ABCB5: variants seen among roughly 807,000 people sequenced by gnomAD.
ABCB5 encodes ATP binding cassette subfamily B member 5, also known as ATP-binding cassette sub-family B member 5.
ABCB5 carries 155 observed loss-of-function variants against 144.2 expected under a neutral mutation model. That is an observed-to-expected ratio of 1.08 (90% CI 0.94 to 1.23). ABCB5 has a LOEUF of 1.23. Ranked by LOEUF, ABCB5 falls within the 50% of genes most tolerant of loss-of-function variation. The pLI, the probability that ABCB5 is intolerant of heterozygous loss-of-function variation, is 0.00. For synonymous variants in ABCB5, 610 were observed against 528.6 expected (o/e 1.15, Z -2.11); for missense variants, 1,830 against 1,520.8 (o/e 1.20, Z -3.38).
chr7:20,655,112 C>T (rs6958596), intron 13 of ABCB5, among the ~76,000 whole-genome samples: 26,675 of 150,414 alleles, frequency 0.18, 2,424 homozygotes, highest in South Asian at 0.21. Context: ...AAGAGATGGC[C>T]AGTATCAGGA....
At position 20,650,101 on chromosome 7, in the gene ABCB5, C is replaced by CG. The variant is rs1467345590; in HGVS notation, c.1288dup (p.Val430GlyfsTer10). 2 of 1,613,422 alleles carry CG rather than the reference C, an allele frequency of 1.2e-6. No individual in the cohort carries two copies. The highest frequency in any genetic ancestry group is 3.3e-5 in the Admixed American group (2 of 59,942). On this transcript the variant is annotated frameshift_variant, in exon 12 of 28. Coordinates refer to ENST00000404938, the MANE Select transcript of ABCB5 (RefSeq NM_001163941.2). LOFTEE classifies it high-confidence loss of function. Reference sequence around the variant, plus strand: ...GGTCTCAATGGCAGTGGGAAGAGTACGGTAGTCCAGCTTCTGCAGAGGTTA... The same window carrying CG: ...GGTCTCAATGGCAGTGGGAAGAGTACGGGTAGTCCAGCTTCTGCAGAGGTTA...
At chr7:20,622,381 T>G (rs1783820409) in intron 1 of ABCB5, among the ~76,000 whole-genome samples, 1 of 152,152 alleles carries the variant, frequency 6.6e-6, no homozygotes, top group African/African-American at 2.4e-5. Flanking sequence ...AAAGGAAGAA[T>G]AAGCCAACAG....
intron 16 of ABCB5, among the ~76,000 whole-genome samples, chr7:20,687,511 C>A (rs1159599232): frequency 1.3e-5 from 2 of 152,148 alleles, no homozygotes; most frequent in East Asian, 1.9e-4. Context: ...TAGTCACAGA[C>A]CTGCTCTGAA....
chr7:20,631,502 T>A (rs1784037476), intron 4 of ABCB5, among the ~76,000 whole-genome samples: 1 of 152,162 alleles, frequency 6.6e-6, no homozygotes, highest in Non-Finnish European at 1.5e-5. Flanking sequence ...AAATCAGGAC[T>A]TTGGTATATT....
At chr7:20,736,232 T>G (rs1424688764) in intron 23 of ABCB5, among the ~76,000 whole-genome samples, 3 of 152,188 alleles carry the variant, frequency 2.0e-5, no homozygotes, top group Non-Finnish European at 4.4e-5. Flanking sequence ...GTTGCTGTTT[T>G]TCTTGAGACG....
intron 20 of ABCB5, among the ~76,000 whole-genome samples, chr7:20,708,741 T>C (rs911948374): frequency 1.3e-5 from 2 of 152,166 alleles, no homozygotes; most frequent in African/African-American, 2.4e-5. Context: ...TGACAAATAA[T>C]AATAATAAAT....
intron 1 of ABCB5, among the ~76,000 whole-genome samples, chr7:20,616,608 G>T (rs1394016098): frequency 6.6e-6 from 1 of 152,184 alleles, no homozygotes; most frequent in African/African-American, 2.4e-5. Context: ...CCACACAGCT[G>T]TCAATAAGTA....
rs1317783218 is a variant in ABCB5, at chr7:20,615,825, C to G, written c.-34C>G. Reference sequence around the variant, plus strand: ...GGATGGGGCCCACTCAAAACAGCATCTAAGGAATTAAAGTAAGTCAAAGCA... The same window carrying G: ...GGATGGGGCCCACTCAAAACAGCATGTAAGGAATTAAAGTAAGTCAAAGCA... On this transcript the variant is annotated 5_prime_UTR_variant, in exon 1 of 28. It adds an upstream start codon to the 5' untranslated region. Transcript: ENST00000404938. The G allele has an allele frequency of 6.6e-6, 1 of 152,294 alleles. No individual in the cohort carries two copies. The highest frequency in any genetic ancestry group is 1.9e-4 in the East Asian group (1 of 5,312). 9.4% of individuals were successfully genotyped at this position (152,294 alleles called of 1,614,324 possible).
chr7:20,638,893 G>C (rs1784223161), intron 5 of ABCB5, among the ~76,000 whole-genome samples: 1 of 152,092 alleles, frequency 6.6e-6, no homozygotes, highest in Admixed American at 6.6e-5. Flanking sequence ...GAATTGCTGG[G>C]TCATATGGTA....
At chr7:20,629,792 A>C (rs1173031776) in intron 4 of ABCB5, among the ~76,000 whole-genome samples, 1 of 152,134 alleles carries the variant, frequency 6.6e-6, no homozygotes, top group Non-Finnish European at 1.5e-5. Context: ...AAGGAGAAGA[A>C]GAAGAAGAAG....
At chr7:20,660,287 AGC>A in intron 14 of ABCB5, 2 of 985,338 alleles carry the variant, frequency 2.0e-6, no homozygotes. Flanking sequence ...AAATAATAAC[AGC>A]TATGTGGCAT....
Position 20,748,830 on chromosome 7 carries a change from G to A in ABCB5, c.3429+3392G>A, listed in dbSNP as rs1010082626. ...GTAAGCATAAAATATATACCCATAT[G>A]TAAAACAGGCATAGGAAGAAAGTCG... On this transcript the variant is annotated intron_variant, in intron 26 of 27. Coordinates refer to ENST00000404938, the MANE Select transcript of ABCB5 (RefSeq NM_001163941.2). Among the ~76,000 whole-genome samples, 3 of 152,084 alleles carry A rather than the reference G, an allele frequency of 2.0e-5. No homozygotes were observed. The East Asian group carries it at 5.8e-4, about 29-fold the overall frequency.
At chr7:20,738,341 C>A (rs1011558234) in intron 23 of ABCB5, among the ~76,000 whole-genome samples, 2 of 152,316 alleles carry the variant, frequency 1.3e-5, no homozygotes, top group Middle Eastern at 3.4e-3. Context: ...TTCCAAACAT[C>A]ATTTGCACAC....
chr7:20,723,739 C>T (rs1393016816), intron 21 of ABCB5, among the ~76,000 whole-genome samples: 1 of 152,152 alleles, frequency 6.6e-6, no homozygotes, highest in Admixed American at 6.5e-5. Context: ...ATCAAATTTT[C>T]TTGAGCAATT....
At chr7:20,702,458 T>C (rs879555127) in intron 19 of ABCB5, among the ~76,000 whole-genome samples, 6 of 152,084 alleles carry the variant, frequency 3.9e-5, no homozygotes, top group Non-Finnish European at 8.8e-5. Context: ...TCAGCTGTAA[T>C]TCTTCAGTCA....
chr7:20,653,950 G>A (rs535159204), intron 13 of ABCB5, among the ~76,000 whole-genome samples: 2 of 152,250 alleles, frequency 1.3e-5, no homozygotes, highest in East Asian at 3.9e-4. Context: ...CACCAAAAAA[G>A]CCACACCTTA....
intron 26 of ABCB5, among the ~76,000 whole-genome samples, chr7:20,750,952 C>A (rs759658139): frequency 3.3e-5 from 5 of 152,150 alleles, no homozygotes; most frequent in Non-Finnish European, 7.4e-5. Flanking sequence ...CTCTACTAAT[C>A]TTCACAGTAT....
intron 14 of ABCB5, among the ~76,000 whole-genome samples, chr7:20,665,892 G>A (rs1026530793): frequency 1.5e-4 from 23 of 151,834 alleles, no homozygotes; most frequent in Non-Finnish European, 2.8e-4. Flanking sequence ...ATGTTGGGCC[G>A]GGCCTGGTGG....
intron 13 of ABCB5, among the ~76,000 whole-genome samples, chr7:20,656,346 G>A (rs1367636690): frequency 1.3e-5 from 2 of 151,924 alleles, no homozygotes; most frequent in Non-Finnish European, 2.9e-5. Flanking sequence ...GAGAGCACAA[G>A]AAAATATTTA....
Sources: gnomAD v4.1 joint callset for allele counts (sites outside exome capture counted in the v4.1 genomes callset) on GRCh38, gnomAD v4.1.1 for gene constraint, MANE v1.5 for transcripts, NCBI Gene and HGNC (gene_info 2026-07-23, HGNC 2026-07-21) for gene names.